COL10A1: variants seen among roughly 807,000 people sequenced by gnomAD.
COL10A1 encodes collagen alpha-1(X) chain.
In COL10A1, 10 loss-of-function variants were observed where a neutral mutation model predicts 18.2. That is an observed-to-expected ratio of 0.55 (90% CI 0.34 to 0.93). The LOEUF (loss-of-function observed/expected upper bound fraction) is 0.93, where lower values mean the gene tolerates loss of function less well. COL10A1 is among the 40% of genes least tolerant of loss of function. The pLI, the probability that COL10A1 is intolerant of heterozygous loss-of-function variation, is 0.02. For missense variants in COL10A1, 897 were observed against 853.5 expected (o/e 1.05, Z -0.64); for synonymous variants, 330 against 316.6 (o/e 1.04, Z -0.45).
At chr6:116,124,809 T>C (rs1382513460) in intron 2 of COL10A1, among the ~76,000 whole-genome samples, 1 of 152,212 alleles carries the variant, frequency 6.6e-6, no homozygotes, top group African/African-American at 2.4e-5. Flanking sequence ...TGCAGTTTCA[T>C]TTGCCTGCTT....
At chr6:116,122,338 G>A (rs1779155929) in intron 2 of COL10A1, among the ~76,000 whole-genome samples, 1 of 152,106 alleles carries the variant, frequency 6.6e-6, no homozygotes, top group Admixed American at 6.5e-5. Context: ...AAATGTTTAA[G>A]AACTATAAAA....
chr6:116,145,022 T>A (rs1161839293), intron 1 of COL10A1, among the ~76,000 whole-genome samples: 1 of 152,200 alleles, frequency 6.6e-6, no homozygotes, highest in East Asian at 1.9e-4. Context: ...AATTATAGAT[T>A]TGATTCGTAC....
At chr6:116,207,187 T>G in the COL10A1 span, among the ~76,000 whole-genome samples, 1 of 152,000 alleles carries the variant, frequency 6.6e-6, no homozygotes, top group Admixed American at 6.6e-5. Context: ...TACAGCAGAT[T>G]TCTTCCACTT....
intron 1 of COL10A1, among the ~76,000 whole-genome samples, chr6:116,147,001 A>G (rs1168307693): frequency 3.7e-5 from 1 of 26,732 alleles, no homozygotes; most frequent in Non-Finnish European, 6.5e-5. Context: ...ATAATATAAA[A>G]TATATATATA....
At chr6:116,146,802 T>G (rs1332482780) in intron 1 of COL10A1, among the ~76,000 whole-genome samples, 5 of 151,864 alleles carry the variant, frequency 3.3e-5, no homozygotes, top group African/African-American at 1.2e-4. Flanking sequence ...GCATTTCAGA[T>G]CAGTGGAAGA....
chr6:116,200,367 A>C, the COL10A1 span, among the ~76,000 whole-genome samples: 1 of 152,066 alleles, frequency 6.6e-6, no homozygotes, highest in African/African-American at 2.4e-5. Context: ...CATTAGGTAA[A>C]AATTAAGGAA....
chr6:116,183,280 TATA>T, the COL10A1 span, among the ~76,000 whole-genome samples: 2 of 152,122 alleles, frequency 1.3e-5, no homozygotes, highest in Non-Finnish European at 2.9e-5. Flanking sequence ...ATTATGGCCT[TATA>T]GTATAGTTCA....
intron 1 of COL10A1, among the ~76,000 whole-genome samples, chr6:116,135,864 T>TAC (rs1562132684): frequency 9.2e-6 from 1 of 108,658 alleles, no homozygotes; most frequent in Non-Finnish European, 1.8e-5. Flanking sequence ...TATATATATA[T>TAC]ATATATATAC....
chr6:116,144,904 G>A (rs375082225), intron 1 of COL10A1, among the ~76,000 whole-genome samples: 24 of 152,280 alleles, frequency 1.6e-4, no homozygotes, highest in Non-Finnish European at 3.2e-4. Context: ...GGGGATCTTA[G>A]GCTGATGGCG....
chr6:116,127,060 A>G (rs1022560976), upstream of COL10A1, among the ~76,000 whole-genome samples: 19 of 152,174 alleles, frequency 1.2e-4, no homozygotes, highest in African/African-American at 4.6e-4. Flanking sequence ...CATCTTATTT[A>G]ATTTCATCGT....
intron 1 of COL10A1, among the ~76,000 whole-genome samples, chr6:116,131,220 C>G (rs775411372): frequency 1.3e-5 from 2 of 152,078 alleles, no homozygotes; most frequent in Admixed American, 6.6e-5. Context: ...TCACCAAGAG[C>G]CAATATAAGC....
At chr6:116,135,876 CACAT>C (rs1779588086) in intron 1 of COL10A1, among the ~76,000 whole-genome samples, 1 of 119,796 alleles carries the variant, frequency 8.3e-6, no homozygotes, top group African/African-American at 3.2e-5. Context: ...TATATATACA[CACAT>C]ACACACACAT....
intron 1 of COL10A1, among the ~76,000 whole-genome samples, chr6:116,148,031 A>G (rs964513651): frequency 6.6e-6 from 1 of 151,900 alleles, no homozygotes; most frequent in African/African-American, 2.4e-5. Context: ...GTTGTGGACT[A>G]TGAAAAGACA....
At chr6:116,171,155 A>G in the COL10A1 span, among the ~76,000 whole-genome samples, 1 of 152,132 alleles carries the variant, frequency 6.6e-6, no homozygotes, top group Non-Finnish European at 1.5e-5. Context: ...TGTTGAATAA[A>G]TGAATATATG....
chr6:116,205,529 A>G, the COL10A1 span, among the ~76,000 whole-genome samples: 1 of 152,056 alleles, frequency 6.6e-6, no homozygotes, highest in South Asian at 2.1e-4. Flanking sequence ...CTCTACACAG[A>G]TATACAGAGC....
chr6:116,151,902 C>T (rs1780051124), intron 1 of COL10A1, among the ~76,000 whole-genome samples: 1 of 152,140 alleles, frequency 6.6e-6, no homozygotes, highest in Non-Finnish European at 1.5e-5. Flanking sequence ...AACACTGATG[C>T]ATTTATTTTG....
the COL10A1 span, among the ~76,000 whole-genome samples, chr6:116,166,915 G>T: frequency 6.6e-6 from 1 of 152,100 alleles, no homozygotes; most frequent in Admixed American, 6.5e-5. Flanking sequence ...TTGAGCCAAA[G>T]AATTGAGCCA....
the COL10A1 span, among the ~76,000 whole-genome samples, chr6:116,215,900 G>A: frequency 2.0e-5 from 3 of 152,118 alleles, no homozygotes; most frequent in Non-Finnish European, 4.4e-5. Flanking sequence ...ATTCAGCACA[G>A]AGTCAGGCAG....
Position 116,120,465 on chromosome 6 carries a change from C to T in COL10A1, c.1651G>A (p.Val551Met), listed in dbSNP as rs1181038080. ...GAGAGAATAACAGTAAAAGCAGACA[C>T]AGGCATTCCTGTTACCCCCTGGTTG... ...SANQGVTGMPVSAFTVILSKA... is the reference protein window; with the variant it reads ...SANQGVTGMPMSAFTVILSKA... Residue 551 changes from valine to methionine, a missense_variant, in exon 3 of 3, where the codon GTG (valine) becomes ATG (methionine). Transcript: ENST00000651968. The T allele has an allele frequency of 1.9e-6, 3 of 1,614,240 alleles. No individual in the cohort carries two copies. The highest frequency in any genetic ancestry group is 2.5e-6 in the Non-Finnish European group (3 of 1,180,046).
Sources: allele counts gnomAD v4.1 joint callset (sites outside exome capture counted in the v4.1 genomes callset), GRCh38; gene constraint gnomAD v4.1.1; transcripts MANE v1.5; gene names NCBI Gene and HGNC (gene_info 2026-07-23, HGNC 2026-07-21).